RFX3: variants seen among roughly 807,000 people sequenced by gnomAD.
The protein encoded by RFX3 is transcription factor RFX3.
Under a neutral mutation model 98.6 loss-of-function variants are expected in RFX3, and 14 were observed. That is an observed-to-expected ratio of 0.14 (90% confidence interval 0.09 to 0.22). RFX3 has a LOEUF of 0.22. RFX3 is among the 10% of genes least tolerant of loss of function. The probability of loss-of-function intolerance (pLI) is 1.00; values close to 1 mark genes in which losing one functional copy is unlikely to be tolerated. For synonymous variants in RFX3, 383 were observed against 328.4 expected, an observed-to-expected ratio of 1.17 and a Z score of -1.80; for missense variants, 639 against 926.9, an observed-to-expected ratio of 0.69 and a Z score of 4.03.
At chr9:3,431,571 T>A (rs1844659256) in intron 1 of RFX3, among the ~76,000 whole-genome samples, 1 of 152,150 alleles carries the variant, frequency 6.6e-6, no homozygotes, top group Non-Finnish European at 1.5e-5. Flanking sequence ...AATGCAGCTT[T>A]TATATGGGTG....
intron 12 of RFX3, among the ~76,000 whole-genome samples, chr9:3,264,001 C>G (rs546948920): frequency 5.9e-4 from 89 of 151,658 alleles, no homozygotes; most frequent in Non-Finnish European, 1.1e-3. Context: ...ACCTCTCACC[C>G]CTTCATTCCT....
At chr9:3,430,629 A>G (rs996596123) in intron 1 of RFX3, among the ~76,000 whole-genome samples, 7 of 152,198 alleles carry the variant, frequency 4.6e-5, no homozygotes, top group Non-Finnish European at 8.8e-5. Context: ...TGTCCATCAC[A>G]AAATCTGATT....
rs1190304098 is a variant in RFX3 at position 3,493,706 on chromosome 9, T to A, written c.-9+32041A>T. ...TCAAAAAAAAAAAAAAAAAAATATA[T>A]ATATATATATATATATATATACATA... On this transcript the variant is annotated intron_variant, in intron 1 of 16. Coordinates refer to ENST00000617270, the MANE Select transcript of RFX3 (RefSeq NM_001282116.2). 3.4e-3 allele frequency among the ~76,000 whole-genome samples: 444 copies of A among 129,618 alleles called. 3 individuals carry two copies. The highest frequency in any genetic ancestry group is 7.6e-3 in the East Asian group (35 of 4,634). The allele number at this position is 129,618 out of a possible 152,430, so 85.0% of individuals were successfully genotyped here.
chr9:3,377,550 C>T (rs1838684737), intron 2 of RFX3, among the ~76,000 whole-genome samples: 1 of 152,074 alleles, frequency 6.6e-6, no homozygotes, highest in East Asian at 1.9e-4. Context: ...AACAAAACTG[C>T]ACGCCGTGCA....
At position 3,345,015 on chromosome 9, in the gene RFX3, A is replaced by T. The variant is rs1834298647; in HGVS notation, c.215+1652T>A. 8 of 571,042 alleles carry T rather than the reference A, an allele frequency of 1.4e-5. No individual in the cohort carries two copies. In the South Asian group the frequency reaches 1.6e-4, roughly 12 times the overall value. The allele number at this position is 571,042 out of a possible 1,614,324, so 35.4% of individuals were successfully genotyped here. ...TCACCTAAGCAAATGTAAATAAAAC[A>T]AAATGCCAAGTTCGCATTCAGGGAG... On this transcript the variant is annotated intron_variant, in intron 3 of 16. Coordinates refer to ENST00000617270, the MANE Select transcript of RFX3 (RefSeq NM_001282116.2).
rs146022525 is a variant in RFX3, at chr9:3,288,175, C to T, written c.807G>A (p.Met269Ile). The change falls in exon 7 of 17, where the codon ATG becomes ATA. Residue 269 changes from methionine to isoleucine, a missense_variant. By Grantham distance (10) the Met-to-Ile change is conservative. This residue lies in a region of RFX3 where 86 missense variants were observed against 113.2 expected (regional missense o/e 0.76). Coordinates refer to ENST00000617270, the MANE Select transcript of RFX3 (RefSeq NM_001282116.2). ...DSPLNRLQED[M>I]QYMAMRQQPM... ...GTTGTTGTCTCATAGCCATATACTG[C>T]ATGTCTTCTTGCAGACGATTAAGAG... is the stretch of plus-strand genomic sequence containing the variant. The T allele has an allele frequency of 2.5e-6, 4 of 1,612,722 alleles. No homozygotes were observed. The South Asian group carries it at 4.4e-5, about 18-fold the overall frequency.
At chr9:3,354,368 C>A (rs1835495345) in intron 2 of RFX3, among the ~76,000 whole-genome samples, 1 of 151,816 alleles carries the variant, frequency 6.6e-6, no homozygotes, top group African/African-American at 2.4e-5. Context: ...CACAGCAAGA[C>A]CCCATCTCTA....
At chr9:3,365,505 T>C (rs1587333736) in intron 2 of RFX3, among the ~76,000 whole-genome samples, 1 of 152,130 alleles carries the variant, frequency 6.6e-6, no homozygotes, top group Non-Finnish European at 1.5e-5. Context: ...AGCTGTTTCA[T>C]TGTATCAACT....
intron 2 of RFX3, among the ~76,000 whole-genome samples, chr9:3,392,200 G>C (rs777918397): frequency 1.5e-4 from 23 of 151,886 alleles, no homozygotes; most frequent in Non-Finnish European, 2.9e-4. Flanking sequence ...TTAAAATATG[G>C]ATAAACACCC....
chr9:3,314,291 G>GA (rs900072449), intron 4 of RFX3, among the ~76,000 whole-genome samples: 6 of 151,910 alleles, frequency 3.9e-5, no homozygotes, highest in African/African-American at 9.7e-5. Flanking sequence ...AAGTGAAAGA[G>GA]AAAAAAAATC....
At chr9:3,397,369 T>A (rs1032418398) in intron 1 of RFX3, among the ~76,000 whole-genome samples, 1 of 152,246 alleles carries the variant, frequency 6.6e-6, no homozygotes, top group Non-Finnish European at 1.5e-5. Flanking sequence ...TAAATCTATA[T>A]GAAATACAGT....
At chr9:3,410,161 C>CTGTGTGTGTGTGTTTG (rs1554698459) in intron 1 of RFX3, among the ~76,000 whole-genome samples, 35 of 114,124 alleles carry the variant, frequency 3.1e-4, no homozygotes, top group African/African-American at 1.1e-3. Flanking sequence ...GTGAGATAAA[C>CTGTGTGTGTGTGTTTG]TGTGTGTGTG....
chr9:3,265,673 G>C (rs1823535789), intron 12 of RFX3, among the ~76,000 whole-genome samples: 1 of 152,100 alleles, frequency 6.6e-6, no homozygotes, highest in Admixed American at 6.6e-5. Flanking sequence ...ACATTCCTGA[G>C]ATATATTGAT....
At chr9:3,502,811 T>C (rs1816180287) in intron 1 of RFX3, among the ~76,000 whole-genome samples, 2 of 152,162 alleles carry the variant, frequency 1.3e-5, no homozygotes, top group African/African-American at 2.4e-5. Flanking sequence ...CGGTTCTCTT[T>C]CCAAAGGTAA....
chr9:3,519,918 C>CAAGACCCTGCCTCTACAA lies in RFX3; in HGVS notation c.-9+5828_-9+5829insTTGTAGAGGCAGGGTCTT, dbSNP rs573846487. ...CAAAAATCTAGCCTGGGCAATGTAG[C>CAAGACCCTGCCTCTACAA]AAGACCCTGTCTCTACAAAAAAAAA... On this transcript the variant is annotated intron_variant, in intron 1 of 16. Coordinates refer to ENST00000617270, the MANE Select transcript of RFX3 (RefSeq NM_001282116.2). Among the ~76,000 whole-genome samples, 498 of 150,588 alleles carry CAAGACCCTGCCTCTACAA rather than the reference C, an allele frequency of 3.3e-3. 3 individuals are homozygous for CAAGACCCTGCCTCTACAA. Among genetic ancestry groups the CAAGACCCTGCCTCTACAA allele is most frequent in the African/African-American group, 0.011 (466 of 40,960 alleles).
chr9:3,369,833 T>C (rs1272848080), intron 2 of RFX3, among the ~76,000 whole-genome samples: 1 of 151,880 alleles, frequency 6.6e-6, no homozygotes, highest in African/African-American at 2.4e-5. Context: ...TTTTGTTTTG[T>C]TTGTTTGTTT....
chr9:3,403,508 G>C (rs1470476245), intron 1 of RFX3, among the ~76,000 whole-genome samples: 2 of 152,118 alleles, frequency 1.3e-5, no homozygotes, highest in African/African-American at 4.8e-5. Flanking sequence ...GATTAATGCT[G>C]AAGATGATTA....
chr9:3,516,099 A>G (rs1818134367), intron 1 of RFX3, among the ~76,000 whole-genome samples: 1 of 152,020 alleles, frequency 6.6e-6, no homozygotes. Flanking sequence ...CCCAGACTGG[A>G]GCGCACTGGC....
intron 1 of RFX3, among the ~76,000 whole-genome samples, chr9:3,514,593 C>T (rs1817969208): frequency 1.3e-5 from 2 of 152,084 alleles, no homozygotes. Context: ...GTACTACAGG[C>T]AGGCACCACT....
Sources: gnomAD v4.1 joint callset for allele counts (sites outside exome capture counted in the v4.1 genomes callset) on GRCh38, gnomAD v4.1.1 for gene constraint, gnomAD v4.1.1 regional missense constraint, MANE v1.5 for transcripts, NCBI Gene and HGNC (gene_info 2026-07-23, HGNC 2026-07-21) for gene names.